Variants in FARP1 observed in about 807,000 individuals in gnomAD.
FARP1 encodes the protein FERM, ARH/RhoGEF and pleckstrin domain protein 1, also known as FERM, ARHGEF and pleckstrin domain-containing protein 1.
FARP1 carries 52 observed loss-of-function variants against 128.8 expected under a neutral mutation model. The observed-to-expected ratio is 0.40, with a 90% confidence interval of 0.32 to 0.51. FARP1 has a LOEUF of 0.51. Ranked by LOEUF, FARP1 falls within the 20% of genes least tolerant of loss-of-function variation. The pLI, the probability that FARP1 is intolerant of heterozygous loss-of-function variation, is 0.45. For missense variants in FARP1, 1,333 were observed against 1,367.9 expected (o/e 0.97, Z 0.40); for synonymous variants, 580 against 551.8 (o/e 1.05, Z -0.72).
At chr13:98,411,778 A>G (rs1304082435) in intron 15 of FARP1, 123 bp from the exon 16 acceptor site, 13 of 1,048,668 alleles carry the variant, frequency 1.2e-5, no homozygotes, top group African/African-American at 1.6e-5. Context: ...TGAAATGCCA[A>G]GAACCTCGCA....
chr13:98,430,128 C>G (rs1430047046), intron 17 of FARP1, among the ~76,000 whole-genome samples: 1 of 151,920 alleles, frequency 6.6e-6, no homozygotes, highest in African/African-American at 2.4e-5. Flanking sequence ...GTGGCTCAAG[C>G]CTGCAGTCCC....
Position 98,185,859 on chromosome 13 carries a change from G to A in FARP1, c.-23-27361G>A, listed in dbSNP as rs773344597. Among the ~76,000 whole-genome samples, 105 of 151,954 alleles carry A rather than the reference G, an allele frequency of 6.9e-4. 1 individual carries two copies. Among genetic ancestry groups the A allele is most frequent in the African/African-American group, 4.8e-4 (20 of 41,460 alleles). Reference sequence around the variant, plus strand: ...ATTATAGGTGCGTGCCACCATGCCCGGCTAATTTTTGTAATTTTAGTAGAG... The same window carrying A: ...ATTATAGGTGCGTGCCACCATGCCCAGCTAATTTTTGTAATTTTAGTAGAG... On this transcript the variant is annotated intron_variant, in intron 1 of 26. Coordinates refer to ENST00000319562, the MANE Select transcript of FARP1 (RefSeq NM_005766.4).
chr13:98,396,543 G>T, intron 13 of FARP1: 1 of 399,008 alleles, frequency 2.5e-6, no homozygotes. Context: ...ACGAGACCAG[G>T]GTTTCCCTAA....
chr13:98,411,121 C>T (rs1891174789), intron 15 of FARP1, among the ~76,000 whole-genome samples: 1 of 152,148 alleles, frequency 6.6e-6, no homozygotes, highest in Non-Finnish European at 1.5e-5. Flanking sequence ...TCGTGTTTTG[C>T]CCATTGCCAA....
At chr13:98,346,186 A>ATTTTTTTTTTTTTTTTT (rs10555277) in intron 3 of FARP1, among the ~76,000 whole-genome samples, 1 of 105,686 alleles carries the variant, frequency 9.5e-6, no homozygotes, top group Non-Finnish European at 1.9e-5. Context: ...ATTGCATATA[A>ATTTTTTTTTTTTTTTTT]TTTTTTTTTT....
At chr13:98,272,051 G>A (rs961277565) in intron 2 of FARP1, among the ~76,000 whole-genome samples, 2 of 151,748 alleles carry the variant, frequency 1.3e-5, no homozygotes, top group African/African-American at 4.8e-5. Flanking sequence ...TCTTTTTGAG[G>A]TGTAGTCTCG....
At chr13:98,377,212 G>T (rs1432345636) in intron 5 of FARP1, among the ~76,000 whole-genome samples, 1 of 151,668 alleles carries the variant, frequency 6.6e-6, no homozygotes, top group South Asian at 2.1e-4. Context: ...TGAGGCAGGA[G>T]AATTGCTTGA....
intron 2 of FARP1, among the ~76,000 whole-genome samples, chr13:98,259,307 A>G (rs1209284181): frequency 6.6e-6 from 1 of 152,168 alleles, no homozygotes; most frequent in African/African-American, 2.4e-5. Flanking sequence ...CTCTCTATAT[A>G]GAGTGTACAT....
At chr13:98,346,097 C>G (rs1888166150) in intron 3 of FARP1, among the ~76,000 whole-genome samples, 1 of 152,080 alleles carries the variant, frequency 6.6e-6, no homozygotes, top group South Asian at 2.1e-4. Context: ...AAGTGCCTTC[C>G]CTCAGTCATC....
chr13:98,289,367 G>A (rs1260324858), intron 2 of FARP1, among the ~76,000 whole-genome samples: 1 of 152,114 alleles, frequency 6.6e-6, no homozygotes, highest in Non-Finnish European at 1.5e-5. Flanking sequence ...TTTCATTCCC[G>A]CTGAGTGCAA....
At position 98,232,144 on chromosome 13, in the gene FARP1, G is replaced by GTTTTTTTTTTTTTTTT. The variant is rs1555329634; in HGVS notation, c.171+18731_171+18732insTTTTTTTTTTTTTTTT. On this transcript the variant is annotated intron_variant, in intron 2 of 26. Coordinates refer to ENST00000319562, the MANE Select transcript of FARP1 (RefSeq NM_005766.4). ...CGTGCCCGGCTTTTTTTGTTTGGTT[G>GTTTTTTTTTTTTTTTT]GTTTTTTTTTTTTTTTTTTTTTGCT... Among the ~76,000 whole-genome samples the GTTTTTTTTTTTTTTTT allele has an allele frequency of 2.6e-4, 29 of 111,686 alleles. 1 individual carries two copies. The highest frequency in any genetic ancestry group is 5.3e-4 in the East Asian group (2 of 3,794). The allele number at this position is 111,686 out of a possible 152,430, so 73.3% of individuals were successfully genotyped here.
At position 98,452,621 on chromosome 13, in the gene FARP1, A is replaced by AGTTAT. The variant is rs1372967963; in HGVS notation, c.*4306_*4310dup. The AGTTAT allele has an allele frequency of 6.5e-6, 1 of 152,828 alleles. No homozygotes were observed. Among genetic ancestry groups the AGTTAT allele is most frequent in the Non-Finnish European group, 1.5e-5 (1 of 68,148 alleles). The allele number at this position is 152,828 out of a possible 1,614,324, so 9.5% of individuals were successfully genotyped here. A position where few individuals can be genotyped will look rare whatever the true frequency, so the allele number is the denominator to read the frequency against. On this transcript the variant is annotated 3_prime_UTR_variant, in exon 27 of 27. Transcript: ENST00000319562. ...TAATAAAGGCAAGGCAATAGACTCA[A>AGTTAT]GTTATGGCCTGTCGAATATTTACTC...
chr13:98,435,491 C>A, intron 18 of FARP1, 85 bp from the exon 19 acceptor site: 2 of 1,400,012 alleles, frequency 1.4e-6, no homozygotes, highest in Non-Finnish European at 1.9e-6. Context: ...GGAGTGATTT[C>A]CCTGCAGCGT....
chr13:98,246,242 C>G (rs1363915093), intron 2 of FARP1, among the ~76,000 whole-genome samples: 1 of 150,478 alleles, frequency 6.6e-6, no homozygotes. Flanking sequence ...ACTACAGGCG[C>G]CCGCCACCTC....
chr13:98,177,288 C>G, intron 1 of FARP1: 2 of 1,427,092 alleles, frequency 1.4e-6, no homozygotes, highest in African/African-American at 1.4e-5. Context: ...CTTGCGTCGC[C>G]CTTGCGTCGC....
intron 2 of FARP1, among the ~76,000 whole-genome samples, chr13:98,308,378 G>A (rs182861654): frequency 6.6e-6 from 1 of 152,232 alleles, no homozygotes; most frequent in African/African-American, 2.4e-5. Context: ...TTCTTTGTAG[G>A]TCCCGTAGCT....
In FARP1 at chr13:98,217,124, A is replaced by G. The variant is rs529813975; in HGVS notation, c.171+3711A>G. 2.6e-5 allele frequency among the ~76,000 whole-genome samples: 4 copies of G among 152,334 alleles called. No homozygotes were observed. In the East Asian group the frequency reaches 7.7e-4, roughly 29 times the overall value. On this transcript the variant is annotated intron_variant, in intron 2 of 26. Transcript: ENST00000319562. ...AAACACAGTTCCCACTGACATTAGT[A>G]GGATGAAGCAGATGGTTTCCTCTCC...
At chr13:98,385,631 T>C (rs1264360198) in intron 7 of FARP1, 36 bp from the exon 8 acceptor site, 3 of 1,611,954 alleles carry the variant, frequency 1.9e-6, no homozygotes, top group Non-Finnish European at 8.5e-7. Context: ...GGAATTCAAA[T>C]CTCCTGGCCT....
chr13:98,445,032 C>T (rs1186303719), intron 24 of FARP1: 1 of 152,662 alleles, frequency 6.6e-6, no homozygotes, highest in African/African-American at 2.4e-5. Flanking sequence ...CCCCCACATC[C>T]TGCAGCCCCT....
Sources: gnomAD v4.1 joint callset for allele counts (sites outside exome capture counted in the v4.1 genomes callset) on GRCh38, gnomAD v4.1.1 for gene constraint, MANE v1.5 for transcripts, NCBI Gene and HGNC (gene_info 2026-07-23, HGNC 2026-07-21) for gene names.